Variants in MECOM observed in about 807,000 individuals in gnomAD.
The protein encoded by MECOM is histone-lysine N-methyltransferase MECOM.
Under a neutral mutation model 116.3 loss-of-function variants are expected in MECOM, and 13 were observed. That is an observed-to-expected ratio of 0.11 (90% CI 0.07 to 0.18). The LOEUF (loss-of-function observed/expected upper bound fraction) is 0.18, where lower values mean the gene tolerates loss of function less well. Ranked by LOEUF, MECOM falls within the 10% of genes least tolerant of loss-of-function variation. The probability of loss-of-function intolerance (pLI) is 1.00; values close to 1 mark genes in which losing one functional copy is unlikely to be tolerated. For missense variants in MECOM, 1,299 were observed against 1,509.0 expected, an observed-to-expected ratio of 0.86 and a Z score of 2.31; for synonymous variants, 528 against 535.2, an observed-to-expected ratio of 0.99 and a Z score of 0.19.
chr3:169,102,377 C>A (rs979990718), intron 10 of MECOM, 151 bp from the exon 11 acceptor site: 35 of 603,090 alleles, frequency 5.8e-5, no homozygotes, highest in Non-Finnish European at 8.1e-5. Context: ...AAATAAACAA[C>A]AACAGAATTG....
intron 1 of MECOM, among the ~76,000 whole-genome samples, chr3:169,407,001 C>G (rs1736815442): frequency 6.6e-6 from 1 of 151,808 alleles, no homozygotes; most frequent in Non-Finnish European, 1.5e-5. Flanking sequence ...TGCCACCACG[C>G]CCAGCTAATT....
At chr3:169,133,801 T>C (rs1735499953) in intron 3 of MECOM, 1 of 538,292 alleles carries the variant, frequency 1.9e-6, no homozygotes, top group Admixed American at 3.1e-5. Context: ...ATGTGTGAGT[T>C]TGCTTTTTTC....
At chr3:169,172,052 C>A (rs1029829867) in intron 2 of MECOM, among the ~76,000 whole-genome samples, 2 of 151,636 alleles carry the variant, frequency 1.3e-5, no homozygotes, top group Non-Finnish European at 2.9e-5. Context: ...GTAGAAAGAA[C>A]TGAGGAATAA....
chr3:169,433,344 T>C (rs1741953890), intron 1 of MECOM, among the ~76,000 whole-genome samples: 1 of 152,050 alleles, frequency 6.6e-6, no homozygotes, highest in Admixed American at 6.6e-5. Context: ...GGGGCACACT[T>C]GTAATCCCAG....
chr3:169,385,689 C>T (rs1733207188), intron 1 of MECOM, among the ~76,000 whole-genome samples: 1 of 152,130 alleles, frequency 6.6e-6, no homozygotes, highest in East Asian at 1.9e-4. Context: ...ATCCAAAAAG[C>T]TGCTAAAACA....
At chr3:169,570,770 C>T (rs748924601) in intron 1 of MECOM, among the ~76,000 whole-genome samples, 2 of 152,080 alleles carry the variant, frequency 1.3e-5, no homozygotes, top group Non-Finnish European at 2.9e-5. Flanking sequence ...GCATAAAAGG[C>T]CTTTGATAAA....
intron 1 of MECOM, among the ~76,000 whole-genome samples, chr3:169,425,055 C>T (rs530374308): frequency 4.0e-5 from 6 of 151,454 alleles, no homozygotes; most frequent in East Asian, 2.0e-4. Context: ...CAAGCTAAAT[C>T]GAGGGAAAAG....
chr3:169,397,644 A>T (rs1560221507), intron 1 of MECOM, among the ~76,000 whole-genome samples: 1 of 152,214 alleles, frequency 6.6e-6, no homozygotes, highest in Non-Finnish European at 1.5e-5. Flanking sequence ...ACGAATGAAC[A>T]TGAGACAGAT....
intron 1 of MECOM, among the ~76,000 whole-genome samples, chr3:169,564,971 C>T (rs1044664064): frequency 6.6e-6 from 1 of 152,212 alleles, no homozygotes; most frequent in African/African-American, 2.4e-5. Context: ...TACAGGAGAA[C>T]AGGTGCAGCA....
intron 2 of MECOM, among the ~76,000 whole-genome samples, chr3:169,227,774 C>T (rs1404830787): frequency 6.6e-6 from 1 of 152,098 alleles, no homozygotes; most frequent in Non-Finnish European, 1.5e-5. Flanking sequence ...AGAAAAATGA[C>T]AACATTTCAA....
rs189862270 is a variant in MECOM at position 169,152,234 on chromosome 3, T to A, written c.376-8402A>T. Among the ~76,000 whole-genome samples the A allele has an allele frequency of 3.5e-4, 53 of 152,266 alleles. No individual in the cohort carries two copies. In the East Asian group the frequency reaches 7.5e-3, roughly 22 times the overall value. On this transcript the variant is annotated intron_variant, in intron 2 of 16. Transcript: ENST00000651503. Reference sequence around the variant, plus strand: ...ACTCTTGGTGGACTCTGCCTTTTTTTATTTTTTTTAAATTATTATTTTTTT... The same window carrying A: ...ACTCTTGGTGGACTCTGCCTTTTTTAATTTTTTTTAAATTATTATTTTTTT...
Position 169,408,709 on chromosome 3 carries a change from G to A in MECOM, c.38-27185C>T, listed in dbSNP as rs116060956. ...AAATAGTAAAAAGAGCAGGCACTAC[G>A]GACATAAACAGAGCTAGCTTTTAAT... On this transcript the variant is annotated intron_variant, in intron 1 of 16. Coordinates refer to ENST00000651503, the MANE Select transcript of MECOM (RefSeq NM_004991.4). Among the ~76,000 whole-genome samples the A allele has an allele frequency of 1.7e-3, 254 of 152,186 alleles. 3 individuals are homozygous for A. The highest frequency in any genetic ancestry group is 5.2e-3 in the African/African-American group (216 of 41,510).
At chr3:169,295,690 TTTC>T (rs1019395944) in intron 2 of MECOM, among the ~76,000 whole-genome samples, 3 of 152,152 alleles carry the variant, frequency 2.0e-5, no homozygotes, top group Non-Finnish European at 2.9e-5. Context: ...GAAAACTTCA[TTTC>T]TTCTTCTTCT....
rs1731431191 is a variant in MECOM, at chr3:169,122,678, C to G, written c.880G>C (p.Asp294His). ...SHTEEREYKC[D>H]QCPKAFNWKS... Reference sequence around the variant, plus strand: ...CAGTTAAATGCCTTGGGACACTGATCACACTTGTATTCCCTCTCTTCAGTA... The same window carrying G: ...CAGTTAAATGCCTTGGGACACTGATGACACTTGTATTCCCTCTCTTCAGTA... The change falls in exon 6 of 17, where the codon GAT becomes CAT. Residue 294 changes from aspartate (D) to histidine (H), a missense_variant. Physicochemically the swap from Asp to His is moderately conservative, Grantham distance 81. This residue lies in a region of MECOM where 374 missense variants were observed against 433.4 expected (regional missense o/e 0.86). Transcript: ENST00000651503. 1.4e-5 allele frequency: 22 copies of G among 1,614,022 alleles called. No homozygotes were observed. The highest frequency in any genetic ancestry group is 1.6e-5 in the Non-Finnish European group (19 of 1,179,904).
chr3:169,582,073 G>A (rs1035348530), intron 1 of MECOM, among the ~76,000 whole-genome samples: 1 of 152,180 alleles, frequency 6.6e-6, no homozygotes, highest in Non-Finnish European at 1.5e-5. Flanking sequence ...TGCAATTTTT[G>A]TTGCCTTGAG....
At chr3:169,215,437 GT>G (rs1308920366) in intron 2 of MECOM, among the ~76,000 whole-genome samples, 2 of 152,016 alleles carry the variant, frequency 1.3e-5, no homozygotes, top group Non-Finnish European at 2.9e-5. Context: ...ATTGCTGTGA[GT>G]TTTTGCCATA....
intron 1 of MECOM, among the ~76,000 whole-genome samples, chr3:169,523,631 C>A (rs1160632742): frequency 6.6e-6 from 1 of 152,012 alleles, no homozygotes; most frequent in Non-Finnish European, 1.5e-5. Context: ...GTAACCATTC[C>A]CAAACTTCTT....
intron 1 of MECOM, among the ~76,000 whole-genome samples, chr3:169,387,515 C>G (rs1194054604): frequency 6.6e-6 from 1 of 152,174 alleles, no homozygotes; most frequent in African/African-American, 2.4e-5. Context: ...TCAGCATTAT[C>G]ATTAGTGATA....
intron 2 of MECOM, among the ~76,000 whole-genome samples, chr3:169,294,128 GT>G (rs143140017): frequency 1.1e-4 from 16 of 151,540 alleles, no homozygotes; most frequent in Non-Finnish European, 1.3e-4. Context: ...CTATTTATGG[GT>G]TTTTTTTGGT....
Sources: allele counts gnomAD v4.1 joint callset (sites outside exome capture counted in the v4.1 genomes callset), GRCh38; gene constraint gnomAD v4.1.1; regional missense constraint gnomAD v4.1.1; transcripts MANE v1.5; gene names NCBI Gene and HGNC (gene_info 2026-07-23, HGNC 2026-07-21).